NBEAL1: variants seen among roughly 807,000 people sequenced by gnomAD.
The protein encoded by NBEAL1 is neurobeachin like 1, also known as neurobeachin-like protein 1.
Under a neutral mutation model 351.3 loss-of-function variants are expected in NBEAL1, and 273 were observed. The ratio of observed to expected loss-of-function variants is 0.78; its 90% confidence interval spans 0.70 to 0.86. The LOEUF (loss-of-function observed/expected upper bound fraction) is 0.86. NBEAL1 is among the 40% of genes least tolerant of loss of function. The pLI is 0.00. For synonymous variants in NBEAL1, 1,050 were observed against 1,086.4 expected (o/e 0.97, Z 0.66); for missense variants, 2,961 against 3,201.3 (o/e 0.92, Z 1.81).
chr2:203,195,305 T>G (rs1376063424), intron 47 of NBEAL1, among the ~76,000 whole-genome samples: 1 of 152,232 alleles, frequency 6.6e-6, no homozygotes, highest in Non-Finnish European at 1.5e-5. Context: ...CACCACTGTA[T>G]TTTGGTACAT....
chr2:203,160,426 G>T (rs988392137), intron 36 of NBEAL1, among the ~76,000 whole-genome samples: 14 of 152,076 alleles, frequency 9.2e-5, no homozygotes, highest in African/African-American at 3.1e-4. Flanking sequence ...TTTATTGATA[G>T]TCTCTATTTG....
intron 8 of NBEAL1, among the ~76,000 whole-genome samples, chr2:203,079,333 C>G (rs1288774293): frequency 6.6e-6 from 1 of 152,198 alleles, no homozygotes; most frequent in African/African-American, 2.4e-5. Flanking sequence ...CTGCCCACTT[C>G]AGACTCCCAA....
At chr2:203,116,110 A>G (rs1417165818) in intron 18 of NBEAL1, 40 bp downstream of exon 18, 6 of 1,388,860 alleles carry the variant, frequency 4.3e-6, no homozygotes, top group African/African-American at 2.9e-5. Flanking sequence ...AGTTATAACT[A>G]TGTTGTGAAC....
chr2:203,164,191 A>AG lies in NBEAL1; in HGVS notation c.5715-1957dup, dbSNP rs558999409. ...AATAAAACTTTGTACAATCTTTGAG[A>AG]GAAAAAAAAAAGATTGCACCACTGC... is the stretch of plus-strand genomic sequence containing the variant. On this transcript the variant is annotated intron_variant, in intron 36 of 55. Coordinates refer to ENST00000683969, the MANE Select transcript of NBEAL1 (RefSeq NM_001378026.1). Among the ~76,000 whole-genome samples, 811 of 151,832 alleles carry AG rather than the reference A, an allele frequency of 5.3e-3. 11 individuals carry two copies. Among genetic ancestry groups the AG allele is most frequent in the African/African-American group, 0.018 (764 of 41,446 alleles).
At chr2:203,070,188 A>T (rs1479106583) in intron 7 of NBEAL1, among the ~76,000 whole-genome samples, 1 of 151,852 alleles carries the variant, frequency 6.6e-6, no homozygotes, top group Non-Finnish European at 1.5e-5. Context: ...TACTGAATGG[A>T]CATTGACTTT....
chr2:203,073,599 C>A (rs1369116313), intron 7 of NBEAL1, among the ~76,000 whole-genome samples: 1 of 152,178 alleles, frequency 6.6e-6, no homozygotes, highest in Non-Finnish European at 1.5e-5. Context: ...TATGATTGTG[C>A]CTATGAATAG....
At chr2:203,024,879 A>C (rs74878739) in intron 2 of NBEAL1, among the ~76,000 whole-genome samples, 3,515 of 152,146 alleles carry the variant, frequency 0.023, 57 homozygotes, top group Middle Eastern at 0.044. Flanking sequence ...TAAATAAATA[A>C]ATACATACAT....
intron 1 of NBEAL1, among the ~76,000 whole-genome samples, chr2:203,015,315 G>C (rs1186180632): frequency 6.6e-6 from 1 of 152,150 alleles, no homozygotes; most frequent in Non-Finnish European, 1.5e-5. Context: ...CGGTGTGTGC[G>C]TGCCCACTTC....
chr2:203,051,110 A>G (rs1181272848), intron 4 of NBEAL1, among the ~76,000 whole-genome samples: 1 of 152,230 alleles, frequency 6.6e-6, no homozygotes, highest in Non-Finnish European at 1.5e-5. Flanking sequence ...TTGCCTTTGC[A>G]GGAATTATGG....
At chr2:203,087,717 A>G (rs567749581) in intron 10 of NBEAL1, among the ~76,000 whole-genome samples, 1 of 152,252 alleles carries the variant, frequency 6.6e-6, no homozygotes, top group African/African-American at 2.4e-5. Flanking sequence ...ATATTTTCTG[A>G]TGCTCCTGGG....
chr2:203,057,200 A>T (rs2061418871), intron 5 of NBEAL1, 126 bp from the exon 6 acceptor site: 1 of 715,442 alleles, frequency 1.4e-6, no homozygotes, highest in Admixed American at 2.8e-5. Flanking sequence ...TAGTGGCTGT[A>T]TCCAGTCCAT....
At chr2:203,177,304 G>A (rs1460480062) in intron 42 of NBEAL1, among the ~76,000 whole-genome samples, 4 of 151,402 alleles carry the variant, frequency 2.6e-5, no homozygotes, top group Non-Finnish European at 4.4e-5. Context: ...GGAGGCTGAG[G>A]CACAAGGATT....
intron 7 of NBEAL1, among the ~76,000 whole-genome samples, chr2:203,071,501 G>C (rs1277632166): frequency 6.6e-6 from 1 of 152,016 alleles, no homozygotes; most frequent in African/African-American, 2.4e-5. Context: ...AATTTTGGGG[G>C]TATACAGTTC....
intron 42 of NBEAL1, among the ~76,000 whole-genome samples, chr2:203,176,200 G>C (rs1197887707): frequency 1.5e-5 from 2 of 132,740 alleles, no homozygotes; most frequent in East Asian, 2.4e-4. Context: ...TTGAGACAGA[G>C]TCTCACTCCT....
intron 10 of NBEAL1, among the ~76,000 whole-genome samples, chr2:203,095,627 A>G (rs1218136156): frequency 1.3e-5 from 2 of 151,972 alleles, no homozygotes; most frequent in Non-Finnish European, 2.9e-5. Flanking sequence ...ACGGATTGCT[A>G]TATTGCTTTC....
At chr2:203,132,973 C>A in intron 26 of NBEAL1, 85 bp from the exon 27 acceptor site, 1 of 641,340 alleles carries the variant, frequency 1.6e-6, no homozygotes, top group African/African-American at 1.9e-5. Flanking sequence ...ATAATTATTT[C>A]AGCATTTTAT....
rs377634388 is a variant in NBEAL1, at chr2:203,066,110, AC to A, written c.516-2282del. Among the ~76,000 whole-genome samples, 9 of 152,350 alleles carry A rather than the reference AC, an allele frequency of 5.9e-5. No individual in the cohort carries two copies. The East Asian group carries it at 1.7e-3, about 29-fold the overall frequency. On this transcript the variant is annotated intron_variant, in intron 6 of 55. Coordinates refer to ENST00000683969, the MANE Select transcript of NBEAL1 (RefSeq NM_001378026.1). ...ATATTGGAAATTATGTTCATATGTT[AC>A]ATCTAATACAGGAACTTTAGAATGA...
intron 4 of NBEAL1, among the ~76,000 whole-genome samples, chr2:203,050,452 A>T (rs999503399): frequency 1.3e-5 from 2 of 152,162 alleles, no homozygotes; most frequent in African/African-American, 4.8e-5. Flanking sequence ...GCCAACATTT[A>T]AAAAAATTAT....
At chr2:203,060,008 G>A (rs1197618467) in intron 6 of NBEAL1, among the ~76,000 whole-genome samples, 1 of 152,108 alleles carries the variant, frequency 6.6e-6, no homozygotes, top group Non-Finnish European at 1.5e-5. Context: ...TCCTACTCTT[G>A]CTACTTCTCT....
Sources: gnomAD v4.1 joint callset for allele counts (sites outside exome capture counted in the v4.1 genomes callset) on GRCh38, gnomAD v4.1.1 for gene constraint, MANE v1.5 for transcripts, NCBI Gene and HGNC (gene_info 2026-07-23, HGNC 2026-07-21) for gene names.